ERBB4: variants seen among roughly 807,000 people sequenced by gnomAD.
ERBB4 encodes erb-b2 receptor tyrosine kinase 4, also known as receptor tyrosine-protein kinase erbB-4.
Under a neutral mutation model 158.0 loss-of-function variants are expected in ERBB4, and 42 were observed. The ratio of observed to expected loss-of-function variants is 0.27; its 90% CI spans 0.21 to 0.34. The LOEUF (loss-of-function observed/expected upper bound fraction) is 0.34, where lower values mean the gene tolerates loss of function less well. Among genes scored for constraint, ERBB4 ranks in the 10% least tolerant of loss-of-function variants. The pLI, the probability that ERBB4 is intolerant of heterozygous loss-of-function variation, is 1.00. For missense variants in ERBB4, 1,333 were observed against 1,624.1 expected (o/e 0.82, Z 3.08); for synonymous variants, 583 against 558.7 (o/e 1.04, Z -0.61).
chr2:211,839,974 T>A (rs1406385177), intron 3 of ERBB4, among the ~76,000 whole-genome samples: 2 of 152,110 alleles, frequency 1.3e-5, no homozygotes. Flanking sequence ...TAGTGGGTAT[T>A]CTCCAGTCCT....
At position 211,383,386 on chromosome 2, in the gene ERBB4, C is replaced by A; in HGVS notation, c.*229G>T. On this transcript the variant is annotated 3_prime_UTR_variant, in exon 28 of 28. Transcript: ENST00000342788. ...AGCTGTTTCATTCTCCTGACCAACC[C>A]ATGCAGAGAAATGAAGAAACATTGT... is the stretch of plus-strand genomic sequence containing the variant. 1 of 552,440 alleles carries A rather than the reference C, an allele frequency of 1.8e-6. No homozygotes were observed. The highest frequency in any genetic ancestry group is 3.2e-6 in the Non-Finnish European group (1 of 307,704). 34.2% of individuals were successfully genotyped at this position (552,440 alleles called of 1,614,324 possible).
At chr2:212,200,901 C>G (rs1426057445) in intron 1 of ERBB4, among the ~76,000 whole-genome samples, 1 of 152,060 alleles carries the variant, frequency 6.6e-6, no homozygotes, top group Non-Finnish European at 1.5e-5. Context: ...TGGTCTACAT[C>G]AGAGTGAATT....
At chr2:212,333,633 C>A (rs187101733) in intron 1 of ERBB4, among the ~76,000 whole-genome samples, 16 of 151,174 alleles carry the variant, frequency 1.1e-4, no homozygotes, top group Admixed American at 7.2e-4. Context: ...TATTGAGGCT[C>A]CAGCGAGCCA....
At chr2:211,695,966 T>G (rs1214656423) in intron 12 of ERBB4, among the ~76,000 whole-genome samples, 1 of 149,916 alleles carries the variant, frequency 6.7e-6, no homozygotes, top group African/African-American at 2.4e-5. Context: ...TCTTCTTTCT[T>G]TTTATCCTTC....
At chr2:211,497,248 A>T (rs1015037363) in intron 20 of ERBB4, among the ~76,000 whole-genome samples, 3 of 152,154 alleles carry the variant, frequency 2.0e-5, no homozygotes, top group Non-Finnish European at 4.4e-5. Flanking sequence ...TTCTTAAGAA[A>T]TACAGGTTTT....
intron 2 of ERBB4, among the ~76,000 whole-genome samples, chr2:212,095,897 T>C (rs1345416121): frequency 1.4e-5 from 2 of 141,594 alleles, no homozygotes; most frequent in African/African-American, 5.3e-5. Context: ...ATGGTGCTAC[T>C]GCACTCCAGC....
chr2:212,341,537 A>G (rs2088711861), intron 1 of ERBB4, among the ~76,000 whole-genome samples: 1 of 152,116 alleles, frequency 6.6e-6, no homozygotes, highest in Non-Finnish European at 1.5e-5. Flanking sequence ...TTATTCACTG[A>G]TTATAATAGT....
intron 3 of ERBB4, among the ~76,000 whole-genome samples, chr2:211,804,373 C>T (rs191809867): frequency 6.6e-6 from 1 of 152,220 alleles, no homozygotes; most frequent in East Asian, 1.9e-4. Context: ...TGGGAGTAGA[C>T]GTGGCATAGG....
chr2:212,165,285 A>G (rs187492700), intron 1 of ERBB4, among the ~76,000 whole-genome samples: 11 of 151,802 alleles, frequency 7.2e-5, no homozygotes, highest in African/African-American at 2.7e-4. Flanking sequence ...TTTAATATCA[A>G]TGTCATTTTT....
chr2:211,498,077 T>C (rs1236119101), intron 20 of ERBB4, among the ~76,000 whole-genome samples: 1 of 152,152 alleles, frequency 6.6e-6, no homozygotes, highest in East Asian at 1.9e-4. Context: ...CAGCACTCCA[T>C]GTGGAGCACC....
chr2:211,535,840 A>C (rs2066636154), intron 20 of ERBB4: 2 of 152,084 alleles, frequency 1.3e-5, no homozygotes, highest in Admixed American at 6.6e-5. Context: ...TAATTTTAAA[A>C]AACATTGAAA....
At chr2:211,946,576 C>CTTTTTTTTTTTTT (rs56007115) in intron 3 of ERBB4, among the ~76,000 whole-genome samples, 6 of 49,586 alleles carry the variant, frequency 1.2e-4, no homozygotes, top group East Asian at 7.6e-4. Flanking sequence ...AATTAGCTCT[C>CTTTTTTTTTTTTT]TTTTTTTTTT....
At chr2:211,986,100 G>A (rs1480969264) in intron 2 of ERBB4, among the ~76,000 whole-genome samples, 2 of 152,214 alleles carry the variant, frequency 1.3e-5, no homozygotes, top group East Asian at 3.8e-4. Flanking sequence ...GGCAGAGGCT[G>A]AGTGGTGGGT....
At chr2:211,656,516 T>TAAA (rs1480970106) in intron 16 of ERBB4, among the ~76,000 whole-genome samples, 6 of 152,352 alleles carry the variant, frequency 3.9e-5, no homozygotes, top group Non-Finnish European at 8.8e-5. Flanking sequence ...TTATATACAG[T>TAAA]AAAACATACA....
chr2:211,565,885 G>A (rs546820875), intron 19 of ERBB4, among the ~76,000 whole-genome samples: 1 of 152,228 alleles, frequency 6.6e-6, no homozygotes, highest in East Asian at 1.9e-4. Flanking sequence ...TCTGAGGTTT[G>A]GTGGCAAAAA....
intron 20 of ERBB4, among the ~76,000 whole-genome samples, chr2:211,453,741 G>T (rs1451269262): frequency 1.3e-5 from 2 of 152,144 alleles, no homozygotes; most frequent in African/African-American, 4.8e-5. Flanking sequence ...TTTGGTGTTA[G>T]ATCAGGCTGA....
intron 17 of ERBB4, among the ~76,000 whole-genome samples, chr2:211,628,953 C>G (rs1274180484): frequency 9.2e-5 from 14 of 152,166 alleles, no homozygotes; most frequent in Non-Finnish European, 2.1e-4. Flanking sequence ...TGTCTTTTGG[C>G]TGCATGAATG....
intron 1 of ERBB4, among the ~76,000 whole-genome samples, chr2:212,272,650 C>A (rs538033409): frequency 5.3e-5 from 8 of 151,810 alleles, no homozygotes; most frequent in African/African-American, 1.9e-4. Context: ...TTGACTGATG[C>A]GCCAGCTTGC....
chr2:212,351,268 A>G (rs541175878), intron 1 of ERBB4, among the ~76,000 whole-genome samples: 5 of 152,254 alleles, frequency 3.3e-5, no homozygotes, highest in South Asian at 4.1e-4. Flanking sequence ...GTAGCTACCC[A>G]CAAGACACAA....
Sources: gnomAD v4.1 joint callset for allele counts (sites outside exome capture counted in the v4.1 genomes callset) on GRCh38, gnomAD v4.1.1 for gene constraint, MANE v1.5 for transcripts, NCBI Gene and HGNC (gene_info 2026-07-23, HGNC 2026-07-21) for gene names.